DDB1: variants seen among roughly 807,000 people sequenced by gnomAD.
DDB1 encodes the protein damage specific DNA binding protein 1.
Under a neutral mutation model 133.1 loss-of-function variants are expected in DDB1, and 18 were observed. The ratio of observed to expected loss-of-function variants is 0.14; its 90% CI spans 0.09 to 0.20. DDB1 has a LOEUF of 0.20. Among genes scored for constraint, DDB1 ranks in the 10% least tolerant of loss-of-function variants. DDB1 has a pLI of 1.00. For missense variants in DDB1, 828 were observed against 1,459.2 expected, an observed-to-expected ratio of 0.57 and a Z score of 7.05; for synonymous variants, 580 against 550.5, an observed-to-expected ratio of 1.05 and a Z score of -0.75.
chr11:61,326,945 TAG>T lies in DDB1; in HGVS notation c.550-54_550-53del, dbSNP rs930450361. The T allele has an allele frequency of 3.7e-6, 5 of 1,358,646 alleles. No individual in the cohort carries two copies. In the African/African-American group the frequency reaches 4.3e-5, roughly 12 times the overall value. 84.2% of individuals were successfully genotyped at this position (1,358,646 alleles called of 1,614,324 possible). A position where few individuals can be genotyped will look rare whatever the true frequency, so the allele number is the denominator to read the frequency against. ...CCCTTAGGAAGGGTGAGCCTTGGGC[TAG>T]AGAGAGGTGCTGTAAGGAATAAGCC... is the stretch of plus-strand genomic sequence containing the variant. On this transcript the variant is annotated intron_variant, in intron 4 of 26. Transcript: ENST00000301764.
intron 21 of DDB1, among the ~76,000 whole-genome samples, chr11:61,308,162 C>T (rs1855906765): frequency 6.6e-6 from 1 of 152,218 alleles, no homozygotes; most frequent in Admixed American, 6.5e-5. Context: ...TCTGCACGTT[C>T]TGGCCCCTGG....
Position 61,320,645 on chromosome 11 carries a change from C to T in DDB1, c.1225+950G>A, listed in dbSNP as rs556033180. On this transcript the variant is annotated intron_variant, in intron 10 of 26. Transcript: ENST00000301764. ...ACTCAAGCAATCCTCCTGCCTCAGC[C>T]TCCCAAGTGGCTAGGACTACAGTCA... 3.3e-5 allele frequency among the ~76,000 whole-genome samples: 5 copies of T among 152,274 alleles called. No individual in the cohort carries two copies. In the South Asian group the frequency reaches 8.3e-4, roughly 25 times the overall value.
chr11:61,320,160 T>A (rs79518623), intron 10 of DDB1, among the ~76,000 whole-genome samples: 5 of 152,274 alleles, frequency 3.3e-5, no homozygotes, highest in Middle Eastern at 3.4e-3. Flanking sequence ...TTTGTAGTTA[T>A]ATGATCTCTT....
At chr11:61,304,512 G>A (rs1855853477) in intron 21 of DDB1, among the ~76,000 whole-genome samples, 2 of 151,828 alleles carry the variant, frequency 1.3e-5, no homozygotes, top group Non-Finnish European at 2.9e-5. Flanking sequence ...CAGAAACATT[G>A]ACAAATAACT....
intron 21 of DDB1, among the ~76,000 whole-genome samples, chr11:61,308,637 G>A (rs539607725): frequency 2.0e-5 from 3 of 152,286 alleles, no homozygotes; most frequent in Admixed American, 6.5e-5. Flanking sequence ...CATAAGCAGT[G>A]GAATATTTCA....
chr11:61,317,263 G>A (rs960016115), intron 10 of DDB1, among the ~76,000 whole-genome samples: 3 of 151,138 alleles, frequency 2.0e-5, no homozygotes, highest in African/African-American at 4.9e-5. Flanking sequence ...GCAGGTGCCC[G>A]CCACCACACC....
intron 26 of DDB1, 106 bp downstream of exon 26, chr11:61,300,703 C>T: frequency 6.5e-7 from 1 of 1,526,810 alleles, no homozygotes; most frequent in Non-Finnish European, 8.9e-7. Flanking sequence ...CAGAGGTCCC[C>T]TCGCATCTTG....
chr11:61,309,060 CCA>C lies in DDB1; in HGVS notation c.2582_2583del (p.Val861GlyfsTer2). The C allele has an allele frequency of 6.2e-7, 1 of 1,614,138 alleles. No individual in the cohort carries two copies. The highest frequency in any genetic ancestry group is 8.5e-7 in the Non-Finnish European group (1 of 1,180,016). On this transcript the variant is annotated frameshift_variant, in exon 21 of 27. Coordinates refer to ENST00000301764, the MANE Select transcript of DDB1 (RefSeq NM_001923.5). LOFTEE classifies it high-confidence loss of function. ...FQYSDGKLQTVAEKEVKGAVY... is the reference protein window; with the variant it reads ...FQYSDGKLQTXAEKEVKGAVY... Reference sequence around the variant, plus strand: ...ACGGCCCCTTTCACTTCCTTTTCAGCCACAGTCTGTAGTTTTCCTGGGGGTGG... The same window carrying C: ...ACGGCCCCTTTCACTTCCTTTTCAGCCAGTCTGTAGTTTTCCTGGGGGTGG...
At position 61,300,941 on chromosome 11, in the gene DDB1, G is replaced by A. The variant is rs373075054; in HGVS notation, c.3216-9C>T. The A allele has an allele frequency of 1.1e-5, 18 of 1,614,012 alleles. No individual in the cohort carries two copies. Among genetic ancestry groups the A allele is most frequent in the African/African-American group, 8.0e-5 (6 of 74,916 alleles). ...TGTGAAAGGATCTCCAGGTGGATGG[G>A]TGAGTTAAGGAACACGTGCTTATCA... On this transcript the variant is annotated splice_polypyrimidine_tract_variant and intron_variant, in intron 25 of 26. Transcript: ENST00000301764.
At chr11:61,318,028 G>A (rs533939833) in intron 10 of DDB1, among the ~76,000 whole-genome samples, 2 of 152,086 alleles carry the variant, frequency 1.3e-5, no homozygotes, top group African/African-American at 2.4e-5. Flanking sequence ...GGCCCACTAT[G>A]CAACACTAAG....
Position 61,325,505 on chromosome 11 carries a change from T to C in DDB1, c.762+106A>G, listed in dbSNP as rs1202278159. Reference sequence around the variant, plus strand: ...TACCTTATATACATAGTAAATTGTGTAACAGGCATCTGTGAATCTCCTTTT... The same window carrying C: ...TACCTTATATACATAGTAAATTGTGCAACAGGCATCTGTGAATCTCCTTTT... On this transcript the variant is annotated intron_variant, in intron 6 of 26. Coordinates refer to ENST00000301764, the MANE Select transcript of DDB1 (RefSeq NM_001923.5). The C allele has an allele frequency of 3.4e-6, 3 of 883,184 alleles. No individual in the cohort carries two copies. The East Asian group carries it at 7.8e-5, about 23-fold the overall frequency. The allele number at this position is 883,184 out of a possible 1,614,324, so 54.7% of individuals were successfully genotyped here.
intron 6 of DDB1, 61 bp downstream of exon 6, chr11:61,325,550 G>GGA (rs749129084): frequency 3.8e-5 from 52 of 1,373,160 alleles, no homozygotes; most frequent in Non-Finnish European, 5.2e-5. Context: ...GAGAAAGGGA[G>GGA]GAGCAAGGTG....
intron 9 of DDB1, chr11:61,321,996 T>C (rs1464119841): frequency 1.9e-6 from 1 of 536,778 alleles, no homozygotes; most frequent in South Asian, 2.7e-5. Context: ...CTGCCACTTA[T>C]TAAGTTAGGT....
chr11:61,318,043 A>AT (rs963626176), intron 10 of DDB1, among the ~76,000 whole-genome samples: 4 of 152,054 alleles, frequency 2.6e-5, no homozygotes, highest in Non-Finnish European at 5.9e-5. Flanking sequence ...ACTAAGCTTA[A>AT]TTTTTTTTAC....
intron 4 of DDB1, among the ~76,000 whole-genome samples, chr11:61,328,270 G>GT (rs1856300760): frequency 6.6e-6 from 1 of 152,172 alleles, no homozygotes; most frequent in South Asian, 2.1e-4. Flanking sequence ...CAGAACTACA[G>GT]TAACACTAAG....
chr11:61,321,591 C>G lies in DDB1; in HGVS notation c.1225+4G>C, dbSNP rs377693812. On this transcript the variant is annotated splice_donor_region_variant and intron_variant, in intron 10 of 26. Transcript: ENST00000301764. ...CTACATCCTATGCCCACCAAAAAAG[C>G]TACCTTTGATGCCTGGTAAGTCAAT... 2 of 1,614,002 alleles carry G rather than the reference C, an allele frequency of 1.2e-6. No individual in the cohort carries two copies. Among genetic ancestry groups the G allele is most frequent in the Non-Finnish European group, 1.7e-6 (2 of 1,179,972 alleles).
intron 10 of DDB1, among the ~76,000 whole-genome samples, chr11:61,316,837 T>A (rs961554612): frequency 6.8e-6 from 1 of 146,488 alleles, no homozygotes; most frequent in Admixed American, 6.9e-5. Flanking sequence ...GGTGGGGGGA[T>A]TGCTTAAGAT....
At chr11:61,323,227 TC>T in intron 7 of DDB1, 133 bp from the exon 8 acceptor site, 1 of 742,810 alleles carries the variant, frequency 1.3e-6, no homozygotes, top group South Asian at 1.5e-5. Context: ...TGTTTCAAAT[TC>T]CCAGGTCACA....
At chr11:61,325,408 T>G (rs1856253039) in intron 6 of DDB1, among the ~76,000 whole-genome samples, 1 of 152,188 alleles carries the variant, frequency 6.6e-6, no homozygotes, top group Admixed American at 6.5e-5. Flanking sequence ...ATCATTTATC[T>G]AAGTTAGCAA....
Sources: gnomAD v4.1 joint callset for allele counts (sites outside exome capture counted in the v4.1 genomes callset) on GRCh38, gnomAD v4.1.1 for gene constraint, MANE v1.5 for transcripts, NCBI Gene and HGNC (gene_info 2026-07-23, HGNC 2026-07-21) for gene names.